The following ALMS1 variants were observed in gnomAD, a reference collection of about 807,000 sequenced individuals.
ALMS1 encodes centrosome-associated protein ALMS1.
In ALMS1, 271 loss-of-function variants were observed where a neutral mutation model predicts 352.2. The ratio of observed to expected loss-of-function variants is 0.77; its 90% CI spans 0.70 to 0.85. The LOEUF (loss-of-function observed/expected upper bound fraction) is 0.85, where lower values mean the gene tolerates loss of function less well. Ranked by LOEUF, ALMS1 falls within the 40% of genes least tolerant of loss-of-function variation. The pLI, the probability that ALMS1 is intolerant of heterozygous loss-of-function variation, is 0.00. For synonymous variants in ALMS1, 1,865 were observed against 1,761.2 expected, an observed-to-expected ratio of 1.06 and a Z score of -1.48; for missense variants, 5,445 against 4,870.7, an observed-to-expected ratio of 1.12 and a Z score of -3.51.
intron 10 of ALMS1, among the ~76,000 whole-genome samples, chr2:73,498,189 T>TA (rs748920817): frequency 2.0e-5 from 3 of 152,170 alleles, no homozygotes; most frequent in Non-Finnish European, 2.9e-5. Flanking sequence ...GTGGCAGTCT[T>TA]ACCTTGATGT....
At chr2:73,445,446 T>A (rs1671792551) in intron 7 of ALMS1, among the ~76,000 whole-genome samples, 1 of 152,144 alleles carries the variant, frequency 6.6e-6, no homozygotes, top group Non-Finnish European at 1.5e-5. Flanking sequence ...AAATGAGAGC[T>A]ATAGTAATTT....
chr2:73,434,831 T>A (rs7600268), intron 7 of ALMS1, among the ~76,000 whole-genome samples: 2,942 of 152,200 alleles, frequency 0.019, 109 homozygotes, highest in African/African-American at 0.065. Flanking sequence ...GGAGACAGAG[T>A]CTTGTTCTGT....
chr2:73,414,473 G>GTTTTTTTTTTTTTTTTTTTTTTTTTTCT (rs61660489), intron 2 of ALMS1, among the ~76,000 whole-genome samples: 1 of 66,412 alleles, frequency 1.5e-5, no homozygotes, highest in African/African-American at 4.3e-5. Context: ...CTTTTTTTCC[G>GTTTTTTTTTTTTTTTTTTTTTTTTTTCT]TTTTTTTTTT....
intron 12 of ALMS1, among the ~76,000 whole-genome samples, chr2:73,548,132 G>T (rs183312299): frequency 6.6e-6 from 1 of 152,324 alleles, no homozygotes; most frequent in African/African-American, 2.4e-5. Context: ...ACATAGAGAT[G>T]TTGGGTCTAC....
intron 16 of ALMS1, among the ~76,000 whole-genome samples, chr2:73,579,655 A>C (rs1573036264): frequency 6.6e-6 from 1 of 152,168 alleles, no homozygotes; most frequent in African/African-American, 2.4e-5. Context: ...TGCTGGAGGT[A>C]GATTTCTTGT....
chr2:73,492,391 A>G (rs933295415), intron 10 of ALMS1, among the ~76,000 whole-genome samples: 8 of 152,194 alleles, frequency 5.3e-5, no homozygotes, highest in African/African-American at 1.7e-4. Context: ...GAAGCAGGTG[A>G]TGATATCTCT....
chr2:73,429,573 G>A lies in ALMS1; in HGVS notation c.1339-2625G>A, dbSNP rs557275209. Among the ~76,000 whole-genome samples the A allele has an allele frequency of 2.6e-5, 4 of 152,158 alleles. No individual in the cohort carries two copies. The South Asian group carries it at 6.2e-4, about 24-fold the overall frequency. On this transcript the variant is annotated intron_variant, in intron 6 of 22. Coordinates refer to ENST00000613296, the MANE Select transcript of ALMS1 (RefSeq NM_001378454.1). ...GCTGGGGTTACAGGCGTGAGCCACC[G>A]TGCCTGGCCTAATATGCTATTTTAG...
chr2:73,587,095 A>C (rs146431503), intron 16 of ALMS1, among the ~76,000 whole-genome samples: 1 of 152,302 alleles, frequency 6.6e-6, no homozygotes, highest in East Asian at 1.9e-4. Flanking sequence ...GTTGGTGCAT[A>C]GCAGTGCTAC....
rs1242113819 is a variant in ALMS1 at position 73,449,506 on chromosome 2, C to T, written c.2979C>T (p.Val993=). 2.5e-6 allele frequency: 4 copies of T among 1,613,994 alleles called. No homozygotes were observed. Among genetic ancestry groups the T allele is most frequent in the African/African-American group, 1.3e-5 (1 of 75,006 alleles). Residue 993 remains valine (V), a synonymous_variant, in exon 8 of 23, where the codon GTC becomes GTT. Transcript: ENST00000613296. ...AIPGLTDQKT[V]PTPTVPSGSF... is the part of the protein sequence containing the mutation. ...CTGGACTGACTGACCAGAAGACTGTCCCAACACCAACAGTACCTTCAGGTT... is the reference window on the plus strand; with the variant it reads ...CTGGACTGACTGACCAGAAGACTGTTCCAACACCAACAGTACCTTCAGGTT...
chr2:73,561,604 A>G (rs1674663989), intron 15 of ALMS1, among the ~76,000 whole-genome samples: 1 of 150,760 alleles, frequency 6.6e-6, no homozygotes, highest in Admixed American at 6.6e-5. Context: ...AGTGTTTAGT[A>G]GGTGTAGGGT....
At chr2:73,583,466 A>G (rs762521227) in intron 16 of ALMS1, among the ~76,000 whole-genome samples, 14 of 152,166 alleles carry the variant, frequency 9.2e-5, no homozygotes, top group Middle Eastern at 3.4e-3. Flanking sequence ...CACTCTGTTG[A>G]TTGTGTCCCC....
intron 9 of ALMS1, among the ~76,000 whole-genome samples, chr2:73,460,410 T>G (rs1335346419): frequency 6.6e-6 from 1 of 152,214 alleles, no homozygotes; most frequent in Non-Finnish European, 1.5e-5. Context: ...AATATAAAAA[T>G]GATTTTAGAC....
In ALMS1 at chr2:73,490,738, C is replaced by CT; in HGVS notation, c.8779_8780insT (p.Arg2927LeufsTer5). 1 of 1,614,098 alleles carries CT rather than the reference C, an allele frequency of 6.2e-7. No individual in the cohort carries two copies. The highest frequency in any genetic ancestry group is 8.5e-7 in the Non-Finnish European group (1 of 1,180,010). On this transcript the variant is annotated frameshift_variant, in exon 10 of 23. Coordinates refer to ENST00000613296, the MANE Select transcript of ALMS1 (RefSeq NM_001378454.1). LOFTEE classifies it high-confidence loss of function. The stretch of plus-strand genomic sequence containing the variant: ...TCCTTCTTGCATTTTTCTTGAACAA[C>CT]GAGAACTCTTTGAACAGTGCAAAGC...
At chr2:73,440,014 T>C (rs1671683293) in intron 7 of ALMS1, among the ~76,000 whole-genome samples, 1 of 151,966 alleles carries the variant, frequency 6.6e-6, no homozygotes, top group African/African-American at 2.4e-5. Flanking sequence ...AGAGTCTCGC[T>C]CTGTCGCCCA....
chr2:73,466,088 G>A (rs956502888), intron 9 of ALMS1, among the ~76,000 whole-genome samples: 1 of 152,234 alleles, frequency 6.6e-6, no homozygotes, highest in East Asian at 1.9e-4. Context: ...ATTCCTCAGG[G>A]ATCTAGAACT....
intron 7 of ALMS1, among the ~76,000 whole-genome samples, chr2:73,434,157 G>A (rs966236693): frequency 6.7e-6 from 1 of 150,184 alleles, no homozygotes; most frequent in Non-Finnish European, 1.5e-5. Context: ...CATTTGCTTT[G>A]GGTTTAGTTT....
Position 73,412,772 on chromosome 2 carries a change from G to A in ALMS1, c.450+4025G>A, listed in dbSNP as rs190462112. Among the ~76,000 whole-genome samples the A allele has an allele frequency of 1.6e-3, 238 of 152,136 alleles. 3 individuals carry two copies. Among genetic ancestry groups the A allele is most frequent in the African/African-American group, 4.2e-3 (174 of 41,526 alleles). The stretch of plus-strand genomic sequence containing the variant: ...GATGGCGCCAGTGCACTCTGGCCTG[G>A]GTGACAGAATGAGACTCTGTCTCAA... On this transcript the variant is annotated intron_variant, in intron 2 of 22. Transcript: ENST00000613296.
At chr2:73,526,354 T>G (rs541999499) in intron 11 of ALMS1, among the ~76,000 whole-genome samples, 5 of 151,912 alleles carry the variant, frequency 3.3e-5, no homozygotes, top group African/African-American at 1.2e-4. Flanking sequence ...GAATACAGAT[T>G]CAGTGGAATA....
chr2:73,488,255 TC>T (rs1672898069), intron 9 of ALMS1, among the ~76,000 whole-genome samples: 2 of 152,258 alleles, frequency 1.3e-5, no homozygotes, highest in South Asian at 4.1e-4. Flanking sequence ...GCAACCTCCC[TC>T]CTGTGCTTGT....
Sources: allele counts gnomAD v4.1 joint callset (sites outside exome capture counted in the v4.1 genomes callset), GRCh38; gene constraint gnomAD v4.1.1; transcripts MANE v1.5; gene names NCBI Gene and HGNC (gene_info 2026-07-23, HGNC 2026-07-21).